Variants in VEPH1 observed in about 807,000 individuals in gnomAD.
The protein encoded by VEPH1 is ventricular zone expressed PH domain containing 1, also known as ventricular zone-expressed PH domain-containing protein homolog 1.
In VEPH1, 80 loss-of-function variants were observed where a neutral mutation model predicts 85.2. The observed-to-expected ratio is 0.94, with a 90% CI of 0.78 to 1.13. The LOEUF is 1.13. VEPH1 is among the 50% of genes most tolerant of loss of function. The pLI, the probability that VEPH1 is intolerant of heterozygous loss-of-function variation, is 0.00. For missense variants in VEPH1, 955 were observed against 980.5 expected (o/e 0.97, Z 0.35); for synonymous variants, 297 against 348.0 (o/e 0.85, Z 1.63).
rs1437514453 is a variant in VEPH1, at chr3:157,294,488, T to TGC, written c.2011-7815_2011-7814insGC. Among the ~76,000 whole-genome samples, 63 of 152,372 alleles carry TGC rather than the reference T, an allele frequency of 4.1e-4. 2 individuals are homozygous for TGC. The highest frequency in any genetic ancestry group is 1.0e-4 in the Non-Finnish European group (7 of 68,034). ...TATTCTATGCATATTTAGCTAACTGTTGCCTCTACAGCTGCACAGTGATTT... is the reference window on the plus strand; with the variant it reads ...TATTCTATGCATATTTAGCTAACTGTGCTGCCTCTACAGCTGCACAGTGATTT... On this transcript the variant is annotated intron_variant, in intron 11 of 13. Transcript: ENST00000362010.
intron 3 of VEPH1, 98 bp downstream of exon 3, chr3:157,470,216 A>C (rs1736793307): frequency 9.0e-7 from 1 of 1,107,238 alleles, no homozygotes; most frequent in Non-Finnish European, 1.3e-6. Flanking sequence ...ACAGTATCTA[A>C]ATGCTGCAGA....
intron 11 of VEPH1, 84 bp downstream of exon 11, chr3:157,313,537 A>G: frequency 6.8e-7 from 1 of 1,477,352 alleles, no homozygotes; most frequent in Middle Eastern, 2.0e-4. Flanking sequence ...GAAGGATGAA[A>G]TTTAATTGCT....
chr3:157,268,353 T>C (rs1268990125), intron 12 of VEPH1, among the ~76,000 whole-genome samples: 2 of 151,932 alleles, frequency 1.3e-5, no homozygotes, highest in African/African-American at 4.8e-5. Flanking sequence ...CAGCAGACTA[T>C]CTGGGATGAG....
chr3:157,470,056 T>C (rs1020306392), intron 3 of VEPH1, among the ~76,000 whole-genome samples: 1 of 152,176 alleles, frequency 6.6e-6, no homozygotes, highest in Non-Finnish European at 1.5e-5. Context: ...TAACTTTTTA[T>C]ATGTATACTC....
intron 1 of VEPH1, among the ~76,000 whole-genome samples, chr3:157,500,572 G>C (rs962545093): frequency 2.0e-5 from 3 of 152,152 alleles, no homozygotes; most frequent in African/African-American, 7.2e-5. Flanking sequence ...CAAGAATCCA[G>C]TCATTCATGA....
chr3:157,306,402 C>T (rs755750444), intron 11 of VEPH1, among the ~76,000 whole-genome samples: 2 of 152,066 alleles, frequency 1.3e-5, no homozygotes, highest in Non-Finnish European at 2.9e-5. Flanking sequence ...TTTATGCTAT[C>T]ATAGTATTCA....
chr3:157,374,373 C>T (rs1329755922), intron 7 of VEPH1, among the ~76,000 whole-genome samples: 3 of 152,248 alleles, frequency 2.0e-5, no homozygotes, highest in Admixed American at 1.3e-4. Context: ...GGGGGCAATG[C>T]TGACCAGAAT....
chr3:157,444,126 T>A (rs1235356560), intron 4 of VEPH1, among the ~76,000 whole-genome samples: 1 of 152,192 alleles, frequency 6.6e-6, no homozygotes, highest in African/African-American at 2.4e-5. Context: ...ACCACACTAG[T>A]ATTCTCCTGT....
chr3:157,444,414 T>C (rs1444590765), intron 4 of VEPH1, among the ~76,000 whole-genome samples: 4 of 152,200 alleles, frequency 2.6e-5, no homozygotes, highest in African/African-American at 9.6e-5. Context: ...AATTTTTGAG[T>C]ATGTTCATCA....
At chr3:157,327,671 G>A (rs1722058317) in intron 9 of VEPH1, among the ~76,000 whole-genome samples, 1 of 152,156 alleles carries the variant, frequency 6.6e-6, no homozygotes, top group Admixed American at 6.5e-5. Context: ...GGGTTTGCAT[G>A]TGAGGGCGAA....
At chr3:157,439,977 C>T (rs943469827) in intron 4 of VEPH1, among the ~76,000 whole-genome samples, 2 of 152,132 alleles carry the variant, frequency 1.3e-5, no homozygotes, top group African/African-American at 2.4e-5. Flanking sequence ...GTCTCGATCT[C>T]CTGACCTTGT....
chr3:157,383,760 GAAT>G (rs1298076695), intron 6 of VEPH1, among the ~76,000 whole-genome samples: 1 of 152,176 alleles, frequency 6.6e-6, no homozygotes, highest in East Asian at 1.9e-4. Flanking sequence ...ATTCATCAAA[GAAT>G]AATGTTAGAT....
intron 7 of VEPH1, among the ~76,000 whole-genome samples, chr3:157,376,296 C>A (rs770157585): frequency 6.6e-6 from 1 of 152,110 alleles, no homozygotes; most frequent in Non-Finnish European, 1.5e-5. Context: ...GCCTCCCTGG[C>A]GCCACATTCA....
At chr3:157,312,799 T>C (rs1342978138) in intron 11 of VEPH1, among the ~76,000 whole-genome samples, 2 of 151,536 alleles carry the variant, frequency 1.3e-5, no homozygotes, top group African/African-American at 4.9e-5. Context: ...TTATAAATAA[T>C]GGAAACTTAT....
intron 9 of VEPH1, 37 bp from the exon 10 acceptor site, chr3:157,317,238 C>G: frequency 6.4e-7 from 1 of 1,560,142 alleles, no homozygotes; most frequent in Non-Finnish European, 8.7e-7. Flanking sequence ...ACGTTATGGT[C>G]TTTCCAGAGT....
intron 4 of VEPH1, among the ~76,000 whole-genome samples, chr3:157,447,533 T>C (rs1250129632): frequency 6.6e-6 from 1 of 152,080 alleles, no homozygotes; most frequent in Non-Finnish European, 1.5e-5. Flanking sequence ...GAATTTTTAA[T>C]GGTTAAGCAT....
At chr3:157,402,423 G>A (rs1385276909) in intron 6 of VEPH1, among the ~76,000 whole-genome samples, 3 of 152,130 alleles carry the variant, frequency 2.0e-5, no homozygotes, top group Non-Finnish European at 4.4e-5. Flanking sequence ...TGCCTAAAGC[G>A]GAAGGAAGTT....
intron 9 of VEPH1, among the ~76,000 whole-genome samples, chr3:157,343,245 T>G (rs1723794507): frequency 6.6e-6 from 1 of 152,082 alleles, no homozygotes. Flanking sequence ...AGGAGCTGGT[T>G]TTTTGAAAAG....
intron 6 of VEPH1, among the ~76,000 whole-genome samples, chr3:157,401,550 G>T (rs1245419216): frequency 6.6e-6 from 1 of 151,990 alleles, no homozygotes; most frequent in Admixed American, 6.6e-5. Context: ...GAAAGATTTG[G>T]GTATATTTCA....
Sources: allele counts gnomAD v4.1 joint callset (sites outside exome capture counted in the v4.1 genomes callset), GRCh38; gene constraint gnomAD v4.1.1; transcripts MANE v1.5; gene names NCBI Gene and HGNC (gene_info 2026-07-23, HGNC 2026-07-21).